TICRR: variants seen among roughly 807,000 people sequenced by gnomAD.
TICRR encodes the protein treslin.
TICRR carries 132 observed loss-of-function variants against 178.1 expected under a neutral mutation model. The observed-to-expected ratio is 0.74, with a 90% CI of 0.64 to 0.86. TICRR has a LOEUF of 0.86. Among genes scored for constraint, TICRR ranks in the 40% least tolerant of loss-of-function variants. The pLI, the probability that TICRR is intolerant of heterozygous loss-of-function variation, is 0.00. For missense variants in TICRR, 2,587 were observed against 2,334.3 expected (o/e 1.11, Z -2.23); for synonymous variants, 991 against 900.7 (o/e 1.10, Z -1.79).
At chr15:89,613,734 C>CTTTTTTTTTTTTTTTTTTTTTTTCTTTTT (rs34162195) in intron 15 of TICRR, among the ~76,000 whole-genome samples, 1 of 61,570 alleles carries the variant, frequency 1.6e-5, no homozygotes, top group African/African-American at 7.5e-5. Context: ...TTTCTATTCG[C>CTTTTTTTTTTTTTTTTTTTTTTTCTTTTT]TTTTTTTTTT....
At chr15:89,619,955 A>C in intron 18 of TICRR, 113 bp downstream of exon 18, 1 of 1,315,916 alleles carries the variant, frequency 7.6e-7, no homozygotes, top group Non-Finnish European at 1.0e-6. Flanking sequence ...GAGAAGTAGA[A>C]TAGGTATGTC....
In TICRR at chr15:89,614,229, T is replaced by C. The variant is rs1242857613; in HGVS notation, c.2870-2176T>C. Among the ~76,000 whole-genome samples, 3 of 152,172 alleles carry C rather than the reference T, an allele frequency of 2.0e-5. No homozygotes were observed. The South Asian group carries it at 6.2e-4, about 32-fold the overall frequency. ...TGTCTGGACTTTCTCAGGGACAGAT[T>C]CTGTTGGCTGATTTTTTTTCCCCTG... On this transcript the variant is annotated intron_variant, in intron 15 of 21. Transcript: ENST00000268138.
At chr15:89,612,843 A>G (rs1963274905) in intron 15 of TICRR, among the ~76,000 whole-genome samples, 1 of 152,190 alleles carries the variant, frequency 6.6e-6, no homozygotes, top group African/African-American at 2.4e-5. Context: ...AAACTTTGCT[A>G]TTGTATAGTT....
intron 13 of TICRR, among the ~76,000 whole-genome samples, chr15:89,604,083 T>C (rs1418656803): frequency 1.3e-5 from 2 of 152,134 alleles, no homozygotes; most frequent in Admixed American, 6.5e-5. Context: ...GTAGAATTAA[T>C]GTCTCGCTGA....
Position 89,625,120 on chromosome 15 carries a change from G to A in TICRR, c.4810G>A (p.Ala1604Thr). The change falls in exon 20 of 22, where the codon GCT (alanine) becomes ACT (threonine). Residue 1604 changes from alanine (A) to threonine (T), a missense_variant. Physicochemically the swap from Ala to Thr is moderately conservative, Grantham distance 58. Coordinates refer to ENST00000268138, the MANE Select transcript of TICRR (RefSeq NM_152259.4). ...SSLGEESFLP[A>T]LSMPRASRSL... is the part of the protein sequence containing the mutation. ...TCTGGGAGAAGAGAGCTTCCTCCCT[G>A]CTCTCAGCATGCCCAGGGCCAGCAG... The A allele has an allele frequency of 1.2e-6, 2 of 1,613,924 alleles. No homozygotes were observed. The highest frequency in any genetic ancestry group is 2.2e-5 in the South Asian group (2 of 91,088).
intron 4 of TICRR, among the ~76,000 whole-genome samples, chr15:89,588,476 G>A (rs1307195361): frequency 6.6e-6 from 1 of 152,162 alleles, no homozygotes. Context: ...TCCATGGAAC[G>A]AGGCAGGGTA....
At position 89,623,781 on chromosome 15, in the gene TICRR, A is replaced by G; in HGVS notation, c.3471A>G (p.Leu1157=). ...PTKQAAFKES[L]KDSSSPGHDS... ...AGCAGGCAGCTTTTAAGGAGTCCTTAAAAGACTCCTCCTCACCCGGCCATG... is the reference window on the plus strand; with the variant it reads ...AGCAGGCAGCTTTTAAGGAGTCCTTGAAAGACTCCTCCTCACCCGGCCATG... The change falls in exon 20 of 22, where the codon TTA becomes TTG. Residue 1157 remains leucine (L), a synonymous_variant. Transcript: ENST00000268138. 1 of 1,613,970 alleles carries G rather than the reference A, an allele frequency of 6.2e-7. No individual in the cohort carries two copies. The highest frequency in any genetic ancestry group is 8.5e-7 in the Non-Finnish European group (1 of 1,179,964).
chr15:89,603,147 T>G (rs2141966775), intron 13 of TICRR, among the ~76,000 whole-genome samples: 1 of 152,296 alleles, frequency 6.6e-6, no homozygotes, highest in East Asian at 1.9e-4. Context: ...TAATTCAAAA[T>G]CTTTAATGTA....
chr15:89,592,524 TAAA>T (rs1036586416), intron 5 of TICRR, among the ~76,000 whole-genome samples: 1 of 152,144 alleles, frequency 6.6e-6, no homozygotes, highest in African/African-American at 2.4e-5. Flanking sequence ...AATTTATACT[TAAA>T]GAAGTATTTG....
intron 13 of TICRR, among the ~76,000 whole-genome samples, chr15:89,603,325 C>T (rs1236915100): frequency 6.6e-6 from 1 of 152,100 alleles, no homozygotes; most frequent in Non-Finnish European, 1.5e-5. Context: ...ACCTATAATC[C>T]CAGCACTTTG....
chr15:89,582,693 A>G lies in TICRR; in HGVS notation c.662A>G (p.Glu221Gly), dbSNP rs1406800939. The change falls in exon 2 of 22, where the codon GAA becomes GGA. Residue 221 changes from glutamate (E) to glycine (G), a missense_variant. Physicochemically the swap from Glu to Gly is moderately conservative, Grantham distance 98. Transcript: ENST00000268138. ...TTTGTCGTTTTATTTTAGTTGTGGG[A>G]ATCCCCAGACCACCTTGGATACTGG... ...VDTTEWSKLW[E>G]SPDHLGYWTV... 1 of 1,611,386 alleles carries G rather than the reference A, an allele frequency of 6.2e-7. No individual in the cohort carries two copies. The highest frequency in any genetic ancestry group is 1.3e-5 in the African/African-American group (1 of 74,862).
chr15:89,613,664 A>G (rs1321431729), intron 15 of TICRR, among the ~76,000 whole-genome samples: 1 of 131,324 alleles, frequency 7.6e-6, no homozygotes, highest in Non-Finnish European at 1.6e-5. Flanking sequence ...AAATTTGTTG[A>G]CTCTTTCTTT....
intron 16 of TICRR, 81 bp downstream of exon 16, chr15:89,616,576 T>C: frequency 9.3e-7 from 1 of 1,076,656 alleles, no homozygotes; most frequent in Admixed American, 2.0e-5. Flanking sequence ...TTCGCTTCTC[T>C]TGACCTTCAT....
chr15:89,592,202 T>C, intron 5 of TICRR, 26 bp downstream of exon 5: 1 of 1,582,510 alleles, frequency 6.3e-7, no homozygotes, highest in Non-Finnish European at 8.7e-7. Context: ...ATCTCTTGAA[T>C]ATTGATTATT....
chr15:89,586,556 A>T (rs556735078), intron 4 of TICRR, among the ~76,000 whole-genome samples: 22 of 152,322 alleles, frequency 1.4e-4, no homozygotes, highest in African/African-American at 5.3e-4. Context: ...ATTACGGTTT[A>T]GTCTAAAGAG....
At chr15:89,577,723 C>T (rs1962650653) in intron 1 of TICRR, among the ~76,000 whole-genome samples, 1 of 149,474 alleles carries the variant, frequency 6.7e-6, no homozygotes, top group Admixed American at 6.8e-5. Context: ...ATTCTCCTGC[C>T]TCAGCCTCCC....
chr15:89,616,084 C>T (rs936359772), intron 15 of TICRR, among the ~76,000 whole-genome samples: 18 of 152,108 alleles, frequency 1.2e-4, no homozygotes, highest in East Asian at 1.9e-4. Context: ...AGGCTTTCAC[C>T]GTGTTGGCCA....
At chr15:89,623,523 C>A (rs1266947440) in intron 19 of TICRR, 100 bp from the exon 20 acceptor site, 1 of 1,211,340 alleles carries the variant, frequency 8.3e-7, no homozygotes, top group Non-Finnish European at 1.2e-6. Flanking sequence ...ATTCCTTTGG[C>A]TGACTATAAA....
Position 89,601,804 on chromosome 15 carries a change from A to G in TICRR, c.2395A>G (p.Lys799Glu), listed in dbSNP as rs758573814. ...YNSLGFVIPQ[K>E]LAGVLPTDFF... is the part of the protein sequence containing the mutation. ...CAGCCTAGGGTTTGTGATTCCTCAGAAGCTGGCTGGTGTCCTTCCTACAGA... is the reference window on the plus strand; with the variant it reads ...CAGCCTAGGGTTTGTGATTCCTCAGGAGCTGGCTGGTGTCCTTCCTACAGA... Residue 799 changes from lysine to glutamate, a missense_variant, in exon 12 of 22, where the codon AAG (lysine) becomes GAG (glutamate). Physicochemically the swap from Lys to Glu is moderately conservative, Grantham distance 56. Coordinates refer to ENST00000268138, the MANE Select transcript of TICRR (RefSeq NM_152259.4). The G allele has an allele frequency of 1.2e-6, 2 of 1,614,180 alleles. No individual in the cohort carries two copies. The highest frequency in any genetic ancestry group is 2.2e-5 in the South Asian group (2 of 91,082).
Sources: gnomAD v4.1 joint callset for allele counts (sites outside exome capture counted in the v4.1 genomes callset) on GRCh38, gnomAD v4.1.1 for gene constraint, MANE v1.5 for transcripts, NCBI Gene and HGNC (gene_info 2026-07-23, HGNC 2026-07-21) for gene names.